Variants in GNA12 observed in about 807,000 individuals in gnomAD.
GNA12 encodes the protein G protein subunit alpha 12.
GNA12 carries 9 observed loss-of-function variants against 26.0 expected under a neutral mutation model. The ratio of observed to expected loss-of-function variants is 0.35; its 90% CI spans 0.21 to 0.60. GNA12 has a LOEUF of 0.60. Among genes scored for constraint, GNA12 ranks in the 20% least tolerant of loss-of-function variants. The pLI, the probability that GNA12 is intolerant of heterozygous loss-of-function variation, is 0.78. For synonymous variants in GNA12, 264 were observed against 219.6 expected (o/e 1.20, Z -1.79); for missense variants, 405 against 525.8 (o/e 0.77, Z 2.25).
chr7:2,798,187 A>G (rs1469320586), intron 1 of GNA12, among the ~76,000 whole-genome samples: 1 of 152,248 alleles, frequency 6.6e-6, no homozygotes. Flanking sequence ...CAGCTCAGGA[A>G]AAGCAGGGGG....
chr7:2,793,339 G>GAAGCAGCGGACAGGACGCGAGAGA lies in GNA12; in HGVS notation c.525+1588_525+1589insTCTCTCGCGTCCTGTCCGCTGCTT, dbSNP rs1312926204. ...GGAAGCAGCGGACAGGACGCGAGAG[G>GAAGCAGCGGACAGGACGCGAGAGA]AAGCAGCGGACAGGAGCGCAAGAGG... On this transcript the variant is annotated intron_variant, in intron 2 of 3. Transcript: ENST00000275364. Among the ~76,000 whole-genome samples, 507 of 151,546 alleles carry GAAGCAGCGGACAGGACGCGAGAGA rather than the reference G, an allele frequency of 3.3e-3. 10 individuals carry two copies. The highest frequency in any genetic ancestry group is 6.9e-3 in the Admixed American group (105 of 15,182).
At chr7:2,814,196 T>C in intron 1 of GNA12, 1 of 666,194 alleles carries the variant, frequency 1.5e-6, no homozygotes, top group South Asian at 1.7e-5. Flanking sequence ...AGTGAAATTC[T>C]CCATCATAAA....
chr7:2,732,874 T>C (rs986894059), intron 3 of GNA12, among the ~76,000 whole-genome samples: 4 of 152,208 alleles, frequency 2.6e-5, no homozygotes, highest in Admixed American at 6.5e-5. Flanking sequence ...CATGACCTTA[T>C]TAGGTTGTTG....
chr7:2,806,297 G>A (rs1379421490), intron 1 of GNA12, among the ~76,000 whole-genome samples: 1 of 151,950 alleles, frequency 6.6e-6, no homozygotes, highest in Non-Finnish European at 1.5e-5. Flanking sequence ...TGGCCAACAT[G>A]GTGAAACCCT....
At chr7:2,842,420 G>A (rs1243788920) in intron 1 of GNA12, among the ~76,000 whole-genome samples, 4 of 151,996 alleles carry the variant, frequency 2.6e-5, no homozygotes, top group Admixed American at 2.6e-4. Flanking sequence ...TACCTCAGCC[G>A]CTCAAGCAAC....
chr7:2,840,077 G>C (rs1778946726), intron 1 of GNA12, among the ~76,000 whole-genome samples: 1 of 152,150 alleles, frequency 6.6e-6, no homozygotes, highest in African/African-American at 2.4e-5. Flanking sequence ...GCAACATGAA[G>C]GGTCCTTCTC....
chr7:2,833,614 G>T (rs1213469641), intron 1 of GNA12, among the ~76,000 whole-genome samples: 1 of 152,120 alleles, frequency 6.6e-6, no homozygotes, highest in Non-Finnish European at 1.5e-5. Flanking sequence ...GTTAGCTGAC[G>T]GAAAAAGATG....
intron 2 of GNA12, among the ~76,000 whole-genome samples, chr7:2,790,940 C>T (rs982893744): frequency 1.3e-5 from 2 of 150,058 alleles, no homozygotes; most frequent in African/African-American, 4.9e-5. Flanking sequence ...CACTAGTGTA[C>T]TCCGGCCTGG....
chr7:2,765,712 C>A (rs1791780053), intron 2 of GNA12, among the ~76,000 whole-genome samples: 1 of 151,824 alleles, frequency 6.6e-6, no homozygotes, highest in African/African-American at 2.4e-5. Flanking sequence ...CTCACCACAA[C>A]CTCCGCCTCC....
chr7:2,836,568 G>C (rs1291023677), intron 1 of GNA12, among the ~76,000 whole-genome samples: 1 of 152,112 alleles, frequency 6.6e-6, no homozygotes, highest in East Asian at 1.9e-4. Context: ...CTTGGCCAAA[G>C]GACCCAGAAA....
rs1583231832 is a variant in GNA12, at chr7:2,749,119, T to A, written c.526-15618A>T. Among the ~76,000 whole-genome samples the A allele has an allele frequency of 3.3e-5, 5 of 152,188 alleles. No individual in the cohort carries two copies. In the East Asian group the frequency reaches 9.6e-4, roughly 29 times the overall value. ...TCAGTGTGGCGATTCCTCAGGGATC[T>A]AGAACTAGAAATACCATTGGACCCA... On this transcript the variant is annotated intron_variant, in intron 2 of 3. Coordinates refer to ENST00000275364, the MANE Select transcript of GNA12 (RefSeq NM_007353.3).
intron 2 of GNA12, among the ~76,000 whole-genome samples, chr7:2,755,803 G>A (rs1446886704): frequency 2.0e-5 from 3 of 152,140 alleles, no homozygotes; most frequent in African/African-American, 4.8e-5. Context: ...GAAAACTGAA[G>A]AACACTTGGG....
intron 1 of GNA12, among the ~76,000 whole-genome samples, chr7:2,825,395 G>A (rs1402076021): frequency 6.6e-6 from 1 of 152,138 alleles, no homozygotes; most frequent in African/African-American, 2.4e-5. Flanking sequence ...AGAGAGGGCG[G>A]GAAGGGGCGG....
chr7:2,736,908 G>T (rs78202748), intron 2 of GNA12, among the ~76,000 whole-genome samples: 2,506 of 152,324 alleles, frequency 0.016, 72 homozygotes, highest in African/African-American at 0.057. Flanking sequence ...AAGAGCTTCA[G>T]ATCATTCAAC....
chr7:2,818,991 C>T (rs560861473), intron 1 of GNA12, among the ~76,000 whole-genome samples: 1 of 152,242 alleles, frequency 6.6e-6, no homozygotes, highest in East Asian at 1.9e-4. Flanking sequence ...GGTGAAAGGT[C>T]TTTGCAGAGG....
In GNA12 at chr7:2,737,280, TTTTTTTTTG is replaced by T. The variant is rs576459564; in HGVS notation, c.526-3788_526-3780del. On this transcript the variant is annotated intron_variant, in intron 2 of 3. Coordinates refer to ENST00000275364, the MANE Select transcript of GNA12 (RefSeq NM_007353.3). ...TATCTCACAGTTTTGTTTTGTTTTT[TTTTTTTTTG>T]TTTTTTTTTTTTTTTTTGAGATGGA... 8.9e-3 allele frequency among the ~76,000 whole-genome samples: 566 copies of T among 63,296 alleles called. 32 individuals carry two copies. Among genetic ancestry groups the T allele is most frequent in the African/African-American group, 0.03 (460 of 15,162 alleles). 41.5% of individuals were successfully genotyped at this position (63,296 alleles called of 152,430 possible).
chr7:2,781,200 T>C (rs1487267544), intron 2 of GNA12, among the ~76,000 whole-genome samples: 1 of 152,218 alleles, frequency 6.6e-6, no homozygotes, highest in African/African-American at 2.4e-5. Context: ...TTTGAAAATA[T>C]ACAGCAGTTC....
rs208349 is a variant in GNA12, at chr7:2,755,254, C to T, written c.526-21753G>A. ...ATTTTTGGCCATTCCAGTGCCTTTC[C>T]GCATACATTTTACAATAATCACATC... On this transcript the variant is annotated intron_variant, in intron 2 of 3. Transcript: ENST00000275364. 3.6e-4 allele frequency among the ~76,000 whole-genome samples: 55 copies of T among 152,280 alleles called. No homozygotes were observed. In the East Asian group the frequency reaches 6.2e-3, roughly 17 times the overall value.
chr7:2,833,539 G>A (rs1778742369), intron 1 of GNA12, among the ~76,000 whole-genome samples: 1 of 152,174 alleles, frequency 6.6e-6, no homozygotes, highest in Non-Finnish European at 1.5e-5. Context: ...AAAGCCAGGG[G>A]ACAAGACCAA....
Sources: allele counts gnomAD v4.1 joint callset (sites outside exome capture counted in the v4.1 genomes callset), GRCh38; gene constraint gnomAD v4.1.1; transcripts MANE v1.5; gene names NCBI Gene and HGNC (gene_info 2026-07-23, HGNC 2026-07-21).